CSK: variants seen among roughly 807,000 people sequenced by gnomAD.
CSK encodes the protein tyrosine-protein kinase CSK.
Under a neutral mutation model 62.3 loss-of-function variants are expected in CSK, and 7 were observed. The observed-to-expected ratio is 0.11, with a 90% CI of 0.06 to 0.21. CSK has a LOEUF of 0.21. Among genes scored for constraint, CSK ranks in the 10% least tolerant of loss-of-function variants. The pLI is 1.00. For missense variants in CSK, 294 were observed against 613.5 expected, an observed-to-expected ratio of 0.48 and a Z score of 5.50; for synonymous variants, 237 against 246.0, an observed-to-expected ratio of 0.96 and a Z score of 0.34.
chr15:74,797,173 G>C (rs2063719303), intron 1 of CSK, among the ~76,000 whole-genome samples: 1 of 152,150 alleles, frequency 6.6e-6, no homozygotes, highest in African/African-American at 2.4e-5. Flanking sequence ...AACTCCTCCT[G>C]GGTTTAAGCC....
chr15:74,800,623 C>T (rs2141825475), intron 6 of CSK, 58 bp from the exon 7 acceptor site: 1 of 1,538,466 alleles, frequency 6.5e-7, no homozygotes. Context: ...CAGTCAGCCT[C>T]TGTCATCCCA....
At chr15:74,801,635 G>T in intron 10 of CSK, 40 bp downstream of exon 10, 8 of 1,611,484 alleles carry the variant, frequency 5.0e-6, no homozygotes, top group South Asian at 1.1e-5. Flanking sequence ...GGTTTGAGGG[G>T]TACCCTGCCC....
chr15:74,785,831 G>C (rs980096656), intron 1 of CSK, among the ~76,000 whole-genome samples: 2 of 151,952 alleles, frequency 1.3e-5, no homozygotes, highest in Non-Finnish European at 2.9e-5. Context: ...CAGTGCCCTT[G>C]CCTGCCTTCC....
In CSK at chr15:74,800,621, C is replaced by T. The variant is rs1329708509; in HGVS notation, c.557-60C>T. On this transcript the variant is annotated intron_variant, in intron 6 of 12. Coordinates refer to ENST00000220003, the MANE Select transcript of CSK (RefSeq NM_004383.3). ...CCCAGTGCCTGATAGTCCAGTCAGCCTCTGTCATCCCAGCCATGTCCCTAG... is the reference window on the plus strand; with the variant it reads ...CCCAGTGCCTGATAGTCCAGTCAGCTTCTGTCATCCCAGCCATGTCCCTAG... The T allele has an allele frequency of 4.2e-5, 64 of 1,537,592 alleles. No homozygotes were observed. The East Asian group carries it at 1.4e-3, about 34-fold the overall frequency.
At chr15:74,799,219 G>A (rs1346081032) in intron 4 of CSK, 53 bp from the exon 5 acceptor site, 2 of 1,547,488 alleles carry the variant, frequency 1.3e-6, no homozygotes, top group Non-Finnish European at 1.8e-6. Context: ...AGAAAGGGGA[G>A]CCAGGGTCAG....
At chr15:74,802,274 T>A in intron 12 of CSK, 57 bp from the exon 13 acceptor site, 1 of 1,503,432 alleles carries the variant, frequency 6.7e-7, no homozygotes, top group Non-Finnish European at 8.9e-7. Context: ...GGCTGCTGGG[T>A]AGGTGTCCTC....
chr15:74,786,013 T>TTTTTTTGTGTGTGTGTGTGTG, intron 1 of CSK, among the ~76,000 whole-genome samples: 19 of 47,836 alleles, frequency 4.0e-4, no homozygotes, highest in African/African-American at 1.3e-3. Context: ...TTTTTTTTTT[T>TTTTTTTGTGTGTGTGTGTGTG]TGTGTGTGTG....
Position 74,798,759 on chromosome 15 carries a change from A to G in CSK, c.129+31A>G, listed in dbSNP as rs2063744480. ...CAGGTGACGCCCACCCCACCATCCC[A>G]CTGCTGGGCCTTCCCTCTGCAGGGG... On this transcript the variant is annotated intron_variant, in intron 3 of 12. Transcript: ENST00000220003. This position sits in a 1 kb window ranked among gnomAD's most constrained non-coding sequence, Gnocchi z 6.6. The G allele has an allele frequency of 6.2e-7, 1 of 1,606,034 alleles. No individual in the cohort carries two copies. Among genetic ancestry groups the G allele is most frequent in the Non-Finnish European group, 8.5e-7 (1 of 1,173,846 alleles).
intron 1 of CSK, among the ~76,000 whole-genome samples, chr15:74,783,196 T>C (rs1239920972): frequency 6.6e-6 from 1 of 152,176 alleles, no homozygotes; most frequent in East Asian, 1.9e-4. Flanking sequence ...GGGTGAGCAG[T>C]TAGAAGCCCA....
In CSK at chr15:74,801,679, G is replaced by A. The variant is rs763877156; in HGVS notation, c.888-16G>A. On this transcript the variant is annotated splice_polypyrimidine_tract_variant and intron_variant, in intron 10 of 12. Coordinates refer to ENST00000220003, the MANE Select transcript of CSK (RefSeq NM_004383.3). ...GAGCCCCAGTCTGAGGGGACATGTG[G>A]CTGGCCTACCCCCAGAGATGTCTGC... 6.2e-7 allele frequency: 1 copy of A among 1,610,038 alleles called. No individual in the cohort carries two copies. Among genetic ancestry groups the A allele is most frequent in the South Asian group, 1.1e-5 (1 of 90,924 alleles).
chr15:74,783,042 T>A (rs919183173), intron 1 of CSK, among the ~76,000 whole-genome samples: 1 of 152,008 alleles, frequency 6.6e-6, no homozygotes, highest in Non-Finnish European at 1.5e-5. Flanking sequence ...ATGGGCCAGG[T>A]CCCTAGAGAG....
chr15:74,784,687 C>T (rs1596366094), intron 1 of CSK, among the ~76,000 whole-genome samples: 1 of 152,196 alleles, frequency 6.6e-6, no homozygotes. Flanking sequence ...TTGGAAATTT[C>T]GGGGACAGAA....
Position 74,798,589 on chromosome 15 carries a change from C to T in CSK, c.16-26C>T. 1 of 1,602,320 alleles carries T rather than the reference C, an allele frequency of 6.2e-7. No individual in the cohort carries two copies. The highest frequency in any genetic ancestry group is 8.5e-7 in the Non-Finnish European group (1 of 1,170,818). On this transcript the variant is annotated intron_variant, in intron 2 of 12. Transcript: ENST00000220003. The surrounding 1 kb of genome is among the most constrained non-coding windows in gnomAD (Gnocchi z 6.6). ...TGGCTGGAGGGGGCCCAGGCTGCAC[C>T]CGCCCACGTGTCACCTGCCTTGCAG...
Position 74,786,002 on chromosome 15 carries a change from C to CTTTTTTT in CSK, c.-66+3288_-66+3294dup, listed in dbSNP as rs536939856. 4.2e-3 allele frequency among the ~76,000 whole-genome samples: 308 copies of CTTTTTTT among 73,540 alleles called. 31 individuals carry two copies. The highest frequency in any genetic ancestry group is 0.029 in the South Asian group (59 of 2,010). 48.2% of individuals were successfully genotyped at this position (73,540 alleles called of 152,430 possible). On this transcript the variant is annotated intron_variant, in intron 1 of 12. Coordinates refer to ENST00000220003, the MANE Select transcript of CSK (RefSeq NM_004383.3). Reference sequence around the variant, plus strand: ...AGGCCTCTTCTCTCTCTCTCTCTCTCTTTTTTTTTTTTGTGTGTGTGTGTG... The same window carrying CTTTTTTT: ...AGGCCTCTTCTCTCTCTCTCTCTCTCTTTTTTTTTTTTTTTTTTTGTGTGTGTGTGTG...
intron 1 of CSK, among the ~76,000 whole-genome samples, chr15:74,786,807 A>G (rs2063528749): frequency 6.6e-6 from 1 of 152,174 alleles, no homozygotes; most frequent in Admixed American, 6.5e-5. Flanking sequence ...AGGGTGGCCC[A>G]GGACTAACCT....
rs549096003 is a variant in CSK at position 74,798,045 on chromosome 15, G to A, written c.-65-188G>A. 1.4e-4 allele frequency: 62 copies of A among 446,426 alleles called. No individual in the cohort carries two copies. The South Asian group carries it at 1.9e-3, about 14-fold the overall frequency. 27.7% of individuals were successfully genotyped at this position (446,426 alleles called of 1,614,324 possible). A position where few individuals can be genotyped will look rare whatever the true frequency, so the allele number is the denominator to read the frequency against. ...GGTTGGTGGCTCCCTCTGCCCCTGG[G>A]GGTCCTCAGCCCTCATGCTCCTCTA... On this transcript the variant is annotated intron_variant, in intron 1 of 12. Coordinates refer to ENST00000220003, the MANE Select transcript of CSK (RefSeq NM_004383.3). The surrounding 1 kb of genome is among the most constrained non-coding windows in gnomAD (Gnocchi z 6.6).
chr15:74,789,022 G>T (rs1255589089), intron 1 of CSK, among the ~76,000 whole-genome samples: 1 of 152,218 alleles, frequency 6.6e-6, no homozygotes, highest in Non-Finnish European at 1.5e-5. Context: ...AGCCGCAGCG[G>T]TGCCTGGGGA....
chr15:74,802,197 C>T, intron 12 of CSK, 114 bp downstream of exon 12: 1 of 1,386,386 alleles, frequency 7.2e-7, no homozygotes, highest in Non-Finnish European at 9.8e-7. Context: ...CTCAGGCCTG[C>T]CCTGGGGAGC....
In CSK at chr15:74,798,196, TCA is replaced by T; in HGVS notation, c.-65-33_-65-32del. The T allele has an allele frequency of 7.4e-7, 1 of 1,352,636 alleles. No homozygotes were observed. Among genetic ancestry groups the T allele is most frequent in the Non-Finnish European group, 1.0e-6 (1 of 998,464 alleles). The allele number at this position is 1,352,636 out of a possible 1,614,324, so 83.8% of individuals were successfully genotyped here. On this transcript the variant is annotated intron_variant, in intron 1 of 12. Transcript: ENST00000220003. The surrounding 1 kb of genome is among the most constrained non-coding windows in gnomAD (Gnocchi z 6.6). The stretch of plus-strand genomic sequence containing the variant: ...ATCTCAGCAGTTGGGGGGCATTTCT[TCA>T]CACCCCTCCTCAGTCTTCATGCTCT...
Sources: gnomAD v4.1 joint callset for allele counts (sites outside exome capture counted in the v4.1 genomes callset) on GRCh38, gnomAD v4.1.1 for gene constraint, Gnocchi (gnomAD v3.1) non-coding constraint, MANE v1.5 for transcripts, NCBI Gene and HGNC (gene_info 2026-07-23, HGNC 2026-07-21) for gene names.